Variants in ERBIN observed in about 807,000 individuals in gnomAD.
ERBIN encodes the protein erbb2 interacting protein, also known as densin-180-like protein.
A neutral mutation model predicts 158.4 loss-of-function variants in ERBIN; 60 were observed. The observed-to-expected ratio is 0.38, with a 90% CI of 0.31 to 0.47. The LOEUF (loss-of-function observed/expected upper bound fraction) is 0.47. ERBIN is among the 20% of genes least tolerant of loss of function. The probability of loss-of-function intolerance (pLI) is 0.99; values close to 1 mark genes in which losing one functional copy is unlikely to be tolerated. For synonymous variants in ERBIN, 594 were observed against 557.2 expected (o/e 1.07, Z -0.93); for missense variants, 1,610 against 1,648.0 (o/e 0.98, Z 0.40).
Position 66,000,724 on chromosome 5 carries a change from C to T in ERBIN, c.307+5860C>T, listed in dbSNP as rs555470273. 2.2e-3 allele frequency among the ~76,000 whole-genome samples: 331 copies of T among 152,158 alleles called. 1 individual carries two copies. The highest frequency in any genetic ancestry group is 7.6e-3 in the African/African-American group (314 of 41,536). On this transcript the variant is annotated intron_variant, in intron 4 of 25. Transcript: ENST00000284037. ...TTAACTTGCAGAATTGGTTTTTTTG[C>T]ATTTTACTTGTTACTTGTATTTTCT...
rs1335160777 is a variant in ERBIN, at chr5:66,080,736, A to G, written c.*2206A>G. 1.3e-5 allele frequency: 2 copies of G among 152,180 alleles called. No individual in the cohort carries two copies. Among genetic ancestry groups the G allele is most frequent in the South Asian group, 2.1e-4 (1 of 4,826 alleles). The allele number at this position is 152,180 out of a possible 1,614,324, so 9.4% of individuals were successfully genotyped here. Reference sequence around the variant, plus strand: ...AAAAGGAATTAAGCCTCACGGAACAATGGATCTTCAGCAAACCTTAACTTC... The same window carrying G: ...AAAAGGAATTAAGCCTCACGGAACAGTGGATCTTCAGCAAACCTTAACTTC... On this transcript the variant is annotated 3_prime_UTR_variant, in exon 26 of 26. Transcript: ENST00000284037.
intron 25 of ERBIN, among the ~76,000 whole-genome samples, chr5:66,077,909 T>G (rs1386626729): frequency 6.6e-6 from 1 of 152,186 alleles, no homozygotes; most frequent in Admixed American, 6.5e-5. Flanking sequence ...ATGCCTGGGC[T>G]TTCTCTTCTC....
At chr5:65,963,334 T>A (rs961334621) in intron 1 of ERBIN, among the ~76,000 whole-genome samples, 2 of 152,226 alleles carry the variant, frequency 1.3e-5, no homozygotes, top group Non-Finnish European at 2.9e-5. Context: ...CAAATGGAAT[T>A]CTCAAGTTAT....
At chr5:66,029,517 G>A (rs892236413) in intron 14 of ERBIN, among the ~76,000 whole-genome samples, 4 of 152,070 alleles carry the variant, frequency 2.6e-5, no homozygotes, top group Admixed American at 2.6e-4. Context: ...AACCCGCAAG[G>A]ATTCTTCATA....
intron 4 of ERBIN, among the ~76,000 whole-genome samples, chr5:66,001,250 T>C (rs1752987406): frequency 6.6e-6 from 1 of 152,186 alleles, no homozygotes; most frequent in Non-Finnish European, 1.5e-5. Flanking sequence ...TTTCTCCTTT[T>C]AGGTTTTTAT....
intron 4 of ERBIN, among the ~76,000 whole-genome samples, chr5:65,999,193 CG>C (rs1200454181): frequency 6.6e-6 from 1 of 150,796 alleles, no homozygotes; most frequent in Non-Finnish European, 1.5e-5. Flanking sequence ...ATGTGGACCC[CG>C]TCTCTACTAA....
intron 4 of ERBIN, among the ~76,000 whole-genome samples, chr5:65,997,927 TACACACACAC>T (rs60768327): frequency 6.7e-6 from 1 of 150,210 alleles, no homozygotes; most frequent in Non-Finnish European, 1.5e-5. Flanking sequence ...GGTGTCTGTC[TACACACACAC>T]ACACACACAC....
chr5:65,959,176 G>A (rs1276660778), intron 1 of ERBIN, among the ~76,000 whole-genome samples: 1 of 152,014 alleles, frequency 6.6e-6, no homozygotes, highest in Non-Finnish European at 1.5e-5. Context: ...TAGCTAACAC[G>A]TGGTGTTACC....
At chr5:65,933,907 A>G (rs1743754462) in intron 1 of ERBIN, among the ~76,000 whole-genome samples, 1 of 151,902 alleles carries the variant, frequency 6.6e-6, no homozygotes, top group African/African-American at 2.4e-5. Flanking sequence ...CCCTAAATAT[A>G]TATTTTTTTT....
chr5:65,942,010 G>C (rs1408807954), intron 1 of ERBIN, among the ~76,000 whole-genome samples: 1 of 152,222 alleles, frequency 6.6e-6, no homozygotes, highest in African/African-American at 2.4e-5. Context: ...AAAGTGCTGG[G>C]ATTACAGGCG....
intron 21 of ERBIN, among the ~76,000 whole-genome samples, chr5:66,056,762 T>C (rs566537566): frequency 8.3e-4 from 127 of 152,264 alleles, no homozygotes; most frequent in Middle Eastern, 3.4e-3. Context: ...GATATCATAC[T>C]TTGAAGTTAC....
At chr5:65,951,705 G>A (rs757950905) in intron 1 of ERBIN, among the ~76,000 whole-genome samples, 7 of 152,092 alleles carry the variant, frequency 4.6e-5, no homozygotes, top group South Asian at 2.1e-4. Flanking sequence ...ATCTCCATTC[G>A]TAAAGCTATG....
At position 65,972,600 on chromosome 5, in the gene ERBIN, C is replaced by T. The variant is rs1030512459; in HGVS notation, c.-57-16035C>T. 2.0e-5 allele frequency among the ~76,000 whole-genome samples: 3 copies of T among 151,332 alleles called. No homozygotes were observed. In the East Asian group the frequency reaches 5.8e-4, roughly 29 times the overall value. On this transcript the variant is annotated intron_variant, in intron 1 of 25. Coordinates refer to ENST00000284037, the MANE Select transcript of ERBIN (RefSeq NM_001253697.2). ...CTTAAATTTTTGTTTTTCTTCTTTT[C>T]CTCTCCATATCTGTTATACTATTTC... is the stretch of plus-strand genomic sequence containing the variant.
At chr5:65,993,172 A>C (rs1752060120) in intron 3 of ERBIN, among the ~76,000 whole-genome samples, 1 of 152,206 alleles carries the variant, frequency 6.6e-6, no homozygotes. Flanking sequence ...ATTAAGGTAA[A>C]TAATGAGACT....
At chr5:65,993,290 A>G (rs900120536) in intron 3 of ERBIN, among the ~76,000 whole-genome samples, 2 of 152,308 alleles carry the variant, frequency 1.3e-5, no homozygotes, top group Non-Finnish European at 2.9e-5. Context: ...ATTGAGGGCA[A>G]TTGTCCTTTT....
intron 14 of ERBIN, among the ~76,000 whole-genome samples, chr5:66,035,087 T>C (rs1757264314): frequency 6.6e-6 from 1 of 152,166 alleles, no homozygotes; most frequent in African/African-American, 2.4e-5. Flanking sequence ...CTCCTCAGTC[T>C]CCTTTTCAGA....
At chr5:66,037,321 A>G (rs1757494012) in intron 14 of ERBIN, among the ~76,000 whole-genome samples, 2 of 152,098 alleles carry the variant, frequency 1.3e-5, no homozygotes, top group Admixed American at 1.3e-4. Context: ...TATATGCCTC[A>G]AAGGAAAAGG....
chr5:65,964,266 G>T (rs982329271), intron 1 of ERBIN, among the ~76,000 whole-genome samples: 1 of 152,218 alleles, frequency 6.6e-6, no homozygotes, highest in Non-Finnish European at 1.5e-5. Context: ...CTTCATAATT[G>T]AACGTGTGTG....
At position 66,044,227 on chromosome 5, in the gene ERBIN, GATGAAGAGACCA is replaced by G; in HGVS notation, c.1527_1538del (p.Glu509_Glu512del). On this transcript the variant is annotated inframe_deletion, in exon 17 of 26. Coordinates refer to ENST00000284037, the MANE Select transcript of ERBIN (RefSeq NM_001253697.2). ...TCAAACCATTGTACATAGATTAAAA[GATGAAGAGACCA>G]ATGAAGACTCAGGAAGAGATTTGAA... 1.9e-6 allele frequency: 3 copies of G among 1,612,494 alleles called. No homozygotes were observed. The highest frequency in any genetic ancestry group is 2.5e-6 in the Non-Finnish European group (3 of 1,179,300).
Sources: gnomAD v4.1 joint callset for allele counts (sites outside exome capture counted in the v4.1 genomes callset) on GRCh38, gnomAD v4.1.1 for gene constraint, MANE v1.5 for transcripts, NCBI Gene and HGNC (gene_info 2026-07-23, HGNC 2026-07-21) for gene names.